Variants in AP1G1 observed in about 807,000 individuals in gnomAD.
AP1G1 encodes AP-1 complex subunit gamma-1.
Under a neutral mutation model 108.3 loss-of-function variants are expected in AP1G1, and 7 were observed. The observed-to-expected ratio is 0.06, with a 90% CI of 0.04 to 0.12. The LOEUF (loss-of-function observed/expected upper bound fraction) is 0.12, where lower values mean the gene tolerates loss of function less well. Ranked by LOEUF, AP1G1 falls within the 10% of genes least tolerant of loss-of-function variation. The pLI, the probability that AP1G1 is intolerant of heterozygous loss-of-function variation, is 1.00. For missense variants in AP1G1, 756 were observed against 1,010.7 expected (o/e 0.75, Z 3.42); for synonymous variants, 379 against 353.5 (o/e 1.07, Z -0.81).
In AP1G1 at chr16:71,783,733, C is replaced by T. The variant is rs375943658; in HGVS notation, c.201+5546G>A. Among the ~76,000 whole-genome samples the T allele has an allele frequency of 7.2e-5, 11 of 152,270 alleles. No individual in the cohort carries two copies. The East Asian group carries it at 1.7e-3, about 24-fold the overall frequency. Reference sequence around the variant, plus strand: ...GGCCCAGCCTAAAAGCAGCACACTACTGACATATGGAAATGTAGATTTCCA... The same window carrying T: ...GGCCCAGCCTAAAAGCAGCACACTATTGACATATGGAAATGTAGATTTCCA... On this transcript the variant is annotated intron_variant, in intron 2 of 22. Coordinates refer to ENST00000299980, the MANE Select transcript of AP1G1 (RefSeq NM_001128.6).
At chr16:71,807,665 C>G (rs923479830) in intron 1 of AP1G1, 3 of 512,536 alleles carry the variant, frequency 5.9e-6, no homozygotes, top group African/African-American at 2.0e-5. Flanking sequence ...GAAATCATTA[C>G]AAGTATTTTT....
intron 19 of AP1G1, among the ~76,000 whole-genome samples, chr16:71,741,437 G>C (rs2145420108): frequency 6.6e-6 from 1 of 152,200 alleles, no homozygotes; most frequent in South Asian, 2.1e-4. Flanking sequence ...ACAAAAATTA[G>C]CCGGGTGTGG....
rs187780743 is a variant in AP1G1 at position 71,798,451 on chromosome 16, G to A, written c.-3-8969C>T. ...CCTGACCTCGTGATCCGCCAGCCTCGGCCTCCCAAAGTGCTGGGATTACAG... is the reference window on the plus strand; with the variant it reads ...CCTGACCTCGTGATCCGCCAGCCTCAGCCTCCCAAAGTGCTGGGATTACAG... On this transcript the variant is annotated intron_variant, in intron 1 of 22. Transcript: ENST00000299980. Among the ~76,000 whole-genome samples the A allele has an allele frequency of 4.2e-3, 641 of 151,966 alleles. 5 individuals are homozygous for A. Among genetic ancestry groups the A allele is most frequent in the African/African-American group, 0.014 (594 of 41,498 alleles).
chr16:71,749,749 C>T (rs939379832), intron 15 of AP1G1, 145 bp downstream of exon 15: 2 of 685,696 alleles, frequency 2.9e-6, no homozygotes, highest in Non-Finnish European at 5.2e-6. Flanking sequence ...TCTCAGCCTC[C>T]CAAAGCGCTG....
chr16:71,773,638 T>C (rs1310705157), intron 3 of AP1G1, among the ~76,000 whole-genome samples: 2 of 152,102 alleles, frequency 1.3e-5, no homozygotes, highest in African/African-American at 4.8e-5. Context: ...ACACACACTT[T>C]AGAAAACTCA....
chr16:71,780,269 G>A (rs966191126), intron 2 of AP1G1, among the ~76,000 whole-genome samples: 3 of 151,920 alleles, frequency 2.0e-5, no homozygotes, highest in African/African-American at 4.8e-5. Flanking sequence ...GATTACAGGC[G>A]TGAGCCACCG....
intron 19 of AP1G1, among the ~76,000 whole-genome samples, chr16:71,739,577 T>C (rs556106802): frequency 7.2e-4 from 109 of 151,876 alleles, no homozygotes; most frequent in Non-Finnish European, 1.4e-3. Flanking sequence ...GGCGAGACCC[T>C]GTCTCTACAA....
At chr16:71,778,552 G>A (rs957991941) in intron 2 of AP1G1, among the ~76,000 whole-genome samples, 4 of 151,956 alleles carry the variant, frequency 2.6e-5, no homozygotes, top group Non-Finnish European at 4.4e-5. Context: ...GCGTAGCGGC[G>A]TGAGCCTGTA....
chr16:71,741,199 A>G (rs1247637956), intron 19 of AP1G1, among the ~76,000 whole-genome samples: 1 of 152,228 alleles, frequency 6.6e-6, no homozygotes, highest in Non-Finnish European at 1.5e-5. Flanking sequence ...GAACTATCAC[A>G]ATGAAATAAA....
chr16:71,749,607 C>T (rs2030377304), intron 15 of AP1G1, among the ~76,000 whole-genome samples: 1 of 151,998 alleles, frequency 6.6e-6, no homozygotes, highest in South Asian at 2.1e-4. Flanking sequence ...TTTTTTGAGA[C>T]AGGGTCTCAC....
intron 1 of AP1G1, among the ~76,000 whole-genome samples, chr16:71,795,710 A>G (rs1166036968): frequency 1.3e-5 from 2 of 152,246 alleles, no homozygotes; most frequent in African/African-American, 4.8e-5. Context: ...ATTATGCTTC[A>G]ATCAGACTTT....
At chr16:71,753,728 C>A (rs555417550) in intron 13 of AP1G1, 105 bp downstream of exon 13, 6 of 947,940 alleles carry the variant, frequency 6.3e-6, no homozygotes, top group Non-Finnish European at 8.4e-6. Flanking sequence ...TTAATGTTAC[C>A]TATTTACTTG....
intron 19 of AP1G1, among the ~76,000 whole-genome samples, chr16:71,741,621 A>G (rs2045622886): frequency 6.6e-6 from 1 of 152,176 alleles, no homozygotes; most frequent in Non-Finnish European, 1.5e-5. Context: ...AAAAATTAGC[A>G]AAGAGAATAG....
At chr16:71,753,934 C>T (rs867471621) in intron 12 of AP1G1, 47 bp from the exon 13 acceptor site, 7 of 1,563,724 alleles carry the variant, frequency 4.5e-6, no homozygotes, top group Middle Eastern at 3.4e-4. Context: ...TAAAATATAC[C>T]GTTTTCAGTG....
intron 19 of AP1G1, chr16:71,743,359 T>G (rs1438892696): frequency 6.6e-6 from 1 of 152,288 alleles, no homozygotes; most frequent in South Asian, 2.1e-4. Flanking sequence ...TGTTATCCTA[T>G]GTCTATTTTT....
rs965980457 is a variant in AP1G1 at position 71,777,246 on chromosome 16, GGAT to G, written c.202-2657_202-2655del. 8.1e-4 allele frequency among the ~76,000 whole-genome samples: 123 copies of G among 151,104 alleles called. 2 individuals carry two copies. Among genetic ancestry groups the G allele is most frequent in the Middle Eastern group, 6.8e-3 (2 of 292 alleles). On this transcript the variant is annotated intron_variant, in intron 2 of 22. Transcript: ENST00000299980. ...GGGGATCTGAGGGAGATCCCAGGCA[GGAT>G]AGGGATGAGGCAGGACATGAGGCTA...
intron 2 of AP1G1, among the ~76,000 whole-genome samples, chr16:71,786,607 C>T (rs1213647526): frequency 2.0e-5 from 3 of 152,048 alleles, no homozygotes; most frequent in Admixed American, 6.6e-5. Flanking sequence ...ACTACAGGCA[C>T]GCACCACCAT....
Position 71,797,866 on chromosome 16 carries a change from T to G in AP1G1, c.-3-8384A>C, listed in dbSNP as rs541873429. 2.1e-4 allele frequency among the ~76,000 whole-genome samples: 32 copies of G among 152,216 alleles called. No homozygotes were observed. The South Asian group carries it at 6.4e-3, about 31-fold the overall frequency. Reference sequence around the variant, plus strand: ...TAGCATATTCTTCATGAATCCAAGTTCTATTAATTCTGGATATACAAGGAG... The same window carrying G: ...TAGCATATTCTTCATGAATCCAAGTGCTATTAATTCTGGATATACAAGGAG... On this transcript the variant is annotated intron_variant, in intron 1 of 22. Coordinates refer to ENST00000299980, the MANE Select transcript of AP1G1 (RefSeq NM_001128.6).
intron 11 of AP1G1, among the ~76,000 whole-genome samples, chr16:71,757,273 A>G (rs924903702): frequency 5.3e-5 from 8 of 152,096 alleles, no homozygotes; most frequent in African/African-American, 1.9e-4. Context: ...CAATACGGCA[A>G]AACCCTGTCT....
Sources: gnomAD v4.1 joint callset for allele counts (sites outside exome capture counted in the v4.1 genomes callset) on GRCh38, gnomAD v4.1.1 for gene constraint, MANE v1.5 for transcripts, NCBI Gene and HGNC (gene_info 2026-07-23, HGNC 2026-07-21) for gene names.